The following CREB5 variants were observed in gnomAD, a reference collection of about 807,000 sequenced individuals.
CREB5 encodes the protein cyclic AMP-responsive element-binding protein 5.
A neutral mutation model predicts 57.1 loss-of-function variants in CREB5; 19 were observed. The observed-to-expected ratio is 0.33, with a 90% confidence interval of 0.23 to 0.49. CREB5 has a LOEUF of 0.49. Among genes scored for constraint, CREB5 ranks in the 20% least tolerant of loss-of-function variants. The pLI is 0.99. For missense variants in CREB5, 579 were observed against 671.6 expected, an observed-to-expected ratio of 0.86 and a Z score of 1.52; for synonymous variants, 238 against 238.3, an observed-to-expected ratio of 1.00 and a Z score of 0.01.
intron 4 of CREB5, among the ~76,000 whole-genome samples, chr7:28,514,733 T>C (rs570937048): frequency 6.6e-6 from 1 of 152,376 alleles, no homozygotes; most frequent in East Asian, 1.9e-4. Context: ...ACAGGACATT[T>C]GTTCTGGCAA....
At chr7:28,648,346 C>A (rs78014911) in intron 5 of CREB5, among the ~76,000 whole-genome samples, 5,483 of 152,094 alleles carry the variant, frequency 0.036, 275 homozygotes, top group East Asian at 0.23. Flanking sequence ...AAAGAGTATC[C>A]AACTCAATTT....
intron 4 of CREB5, among the ~76,000 whole-genome samples, chr7:28,538,866 C>T (rs1794090114): frequency 6.6e-6 from 1 of 152,160 alleles, no homozygotes; most frequent in Non-Finnish European, 1.5e-5. Flanking sequence ...TATATAGAAG[C>T]ATCTTGTTTC....
chr7:28,348,024 G>C (rs1786098818), intron 1 of CREB5, among the ~76,000 whole-genome samples: 1 of 152,160 alleles, frequency 6.6e-6, no homozygotes, highest in Non-Finnish European at 1.5e-5. Context: ...TGTAGGGAGA[G>C]AGGGTTCCCA....
chr7:28,383,820 C>G (rs914958827), intron 1 of CREB5, among the ~76,000 whole-genome samples: 1 of 152,134 alleles, frequency 6.6e-6, no homozygotes, highest in African/African-American at 2.4e-5. Context: ...TTGGGGAGTA[C>G]AGAAGATGGG....
upstream of CREB5, among the ~76,000 whole-genome samples, chr7:28,411,656 G>A (rs1161330650): frequency 6.6e-6 from 1 of 151,912 alleles, no homozygotes; most frequent in Non-Finnish European, 1.5e-5. Flanking sequence ...GGATTGGAGT[G>A]GTCCCTGATT....
chr7:28,416,335 GCAA>G (rs376526954), intron 1 of CREB5, among the ~76,000 whole-genome samples: 4 of 152,072 alleles, frequency 2.6e-5, no homozygotes, highest in Non-Finnish European at 5.9e-5. Context: ...AAAAATACAT[GCAA>G]CAACAACAAC....
chr7:28,632,624 G>A (rs1798246447), intron 5 of CREB5, among the ~76,000 whole-genome samples: 1 of 152,142 alleles, frequency 6.6e-6, no homozygotes, highest in African/African-American at 2.4e-5. Flanking sequence ...TATTGTCCTG[G>A]GATCCCGGGA....
At chr7:28,532,263 C>A (rs140808678) in intron 4 of CREB5, among the ~76,000 whole-genome samples, 135 of 152,302 alleles carry the variant, frequency 8.9e-4, no homozygotes, top group Admixed American at 2.4e-3. Flanking sequence ...CCGGTCAAAC[C>A]TTCAGATGAA....
chr7:28,523,423 G>T (rs1353487761), intron 4 of CREB5, among the ~76,000 whole-genome samples: 1 of 152,120 alleles, frequency 6.6e-6, no homozygotes, highest in Non-Finnish European at 1.5e-5. Flanking sequence ...GTGCTAGTTG[G>T]GTCAGGAGCC....
intron 1 of CREB5, among the ~76,000 whole-genome samples, chr7:28,316,133 T>C (rs17156573): frequency 0.37 from 56,980 of 152,112 alleles, 12,144 homozygotes; most frequent in African/African-American, 0.57. Flanking sequence ...ATTGCGATTC[T>C]GTGGCTTAGT....
chr7:28,805,311 T>G (rs2128801593), intron 8 of CREB5, among the ~76,000 whole-genome samples: 1 of 152,264 alleles, frequency 6.6e-6, no homozygotes, highest in South Asian at 2.1e-4. Flanking sequence ...AGGCGAGTCC[T>G]GTACTGGAGT....
At chr7:28,733,632 CTGTT>C (rs1803794252) in intron 7 of CREB5, among the ~76,000 whole-genome samples, 2 of 152,162 alleles carry the variant, frequency 1.3e-5, no homozygotes, top group African/African-American at 4.8e-5. Context: ...TCCACTTGCA[CTGTT>C]TGTCTCTTCC....
chr7:28,492,729 A>T lies in CREB5; in HGVS notation c.76-2177A>T, dbSNP rs536872307. 7.2e-4 allele frequency among the ~76,000 whole-genome samples: 107 copies of T among 148,660 alleles called. 4 individuals carry two copies. The highest frequency in any genetic ancestry group is 5.9e-3 in the Admixed American group (88 of 14,854). On this transcript the variant is annotated intron_variant, in intron 2 of 10. Coordinates refer to ENST00000357727, the MANE Select transcript of CREB5 (RefSeq NM_182898.4). ...TTTTGTATATACAAATATATATATA[A>T]AATATAGTATATTTAAAATATAGTG...
intron 1 of CREB5, among the ~76,000 whole-genome samples, chr7:28,346,560 G>A (rs960407810): frequency 6.6e-6 from 1 of 152,228 alleles, no homozygotes; most frequent in African/African-American, 2.4e-5. Flanking sequence ...CCCAACAAAG[G>A]CCTTAGCCAA....
intron 1 of CREB5, among the ~76,000 whole-genome samples, chr7:28,461,712 T>C (rs569479405): frequency 1.3e-5 from 2 of 152,176 alleles, no homozygotes; most frequent in Non-Finnish European, 2.9e-5. Context: ...GTGAATGTGA[T>C]TGAGTATGTA....
chr7:28,490,425 G>A (rs1428645444), intron 2 of CREB5, among the ~76,000 whole-genome samples: 1 of 152,206 alleles, frequency 6.6e-6, no homozygotes, highest in Admixed American at 6.5e-5. Flanking sequence ...GAGGGTTCAG[G>A]GTGAGTTAGG....
At chr7:28,477,643 G>A (rs576424275) in intron 1 of CREB5, among the ~76,000 whole-genome samples, 62 of 152,354 alleles carry the variant, frequency 4.1e-4, no homozygotes, top group Non-Finnish European at 6.9e-4. Flanking sequence ...GTCTGGCACA[G>A]TGTTAACCTC....
chr7:28,429,634 G>A (rs1788638399), intron 1 of CREB5, among the ~76,000 whole-genome samples: 1 of 152,126 alleles, frequency 6.6e-6, no homozygotes, highest in South Asian at 2.1e-4. Flanking sequence ...GTGATTGGGG[G>A]TGGAATTATT....
Position 28,659,051 on chromosome 7 carries a change from C to T in CREB5, c.465-59702C>T, listed in dbSNP as rs546964450. On this transcript the variant is annotated intron_variant, in intron 5 of 10. Coordinates refer to ENST00000357727, the MANE Select transcript of CREB5 (RefSeq NM_182898.4). ...TTCCAAAATGAAATGAGAATGAATA[C>T]TTTATTTGGTCCTCTTCCTCAGAAC... 1.4e-3 allele frequency among the ~76,000 whole-genome samples: 203 copies of T among 147,398 alleles called. 1 individual carries two copies. The highest frequency in any genetic ancestry group is 4.1e-3 in the East Asian group (20 of 4,936).
Sources: allele counts gnomAD v4.1 joint callset (sites outside exome capture counted in the v4.1 genomes callset), GRCh38; gene constraint gnomAD v4.1.1; transcripts MANE v1.5; gene names NCBI Gene and HGNC (gene_info 2026-07-23, HGNC 2026-07-21).